ZCWPW2: variants seen among roughly 807,000 people sequenced by gnomAD.
ZCWPW2 encodes zinc finger CW-type and PWWP domain containing 2, also known as zinc finger CW-type PWWP domain protein 2.
A neutral mutation model predicts 46.6 loss-of-function variants in ZCWPW2; 45 were observed. The ratio of observed to expected loss-of-function variants is 0.96; its 90% confidence interval spans 0.76 to 1.24. The LOEUF is 1.24. Ranked by LOEUF, ZCWPW2 falls within the 50% of genes most tolerant of loss-of-function variation. The probability of loss-of-function intolerance (pLI) is 0.00; values close to 1 mark genes in which losing one functional copy is unlikely to be tolerated. For synonymous variants in ZCWPW2, 152 were observed against 137.1 expected (o/e 1.11, Z -0.76); for missense variants, 429 against 403.9 (o/e 1.06, Z -0.53).
intron 3 of ZCWPW2, among the ~76,000 whole-genome samples, chr3:28,426,122 T>C (rs941575827): frequency 1.8e-4 from 27 of 151,510 alleles, no homozygotes; most frequent in Non-Finnish European, 4.4e-5. Context: ...AAAAAAATTA[T>C]ATTTATATAT....
intron 6 of ZCWPW2, among the ~76,000 whole-genome samples, chr3:28,505,329 G>C (rs1700247403): frequency 6.6e-6 from 1 of 152,136 alleles, no homozygotes; most frequent in Non-Finnish European, 1.5e-5. Context: ...CTCTCACATT[G>C]TTCAAATCTC....
In ZCWPW2 at chr3:28,349,021, G is replaced by C; in HGVS notation, c.-316G>C. 1.0e-6 allele frequency: 1 copy of C among 986,084 alleles called. No individual in the cohort carries two copies. Among genetic ancestry groups the C allele is most frequent in the Non-Finnish European group, 1.2e-6 (1 of 830,472 alleles). The allele number at this position is 986,084 out of a possible 1,614,324, so 61.1% of individuals were successfully genotyped here. ...CGCTGTCCGCGGGCTCGGCGCCAGG[G>C]ACGCGCGAGGAAACCGGAAGTCAGG... On this transcript the variant is annotated 5_prime_UTR_variant, in exon 1 of 10. Transcript: ENST00000383768.
intron 6 of ZCWPW2, among the ~76,000 whole-genome samples, chr3:28,493,481 A>C (rs1007227338): frequency 4.5e-4 from 53 of 117,624 alleles, no homozygotes; most frequent in African/African-American, 1.3e-3. Context: ...ACATGAACTC[A>C]TCATTTTTTA....
intron 1 of ZCWPW2, among the ~76,000 whole-genome samples, chr3:28,351,265 C>CAT (rs1472807441): frequency 6.7e-6 from 1 of 148,676 alleles, no homozygotes; most frequent in Non-Finnish European, 1.5e-5. Flanking sequence ...TATATATATA[C>CAT]ATATATATAT....
At chr3:28,354,025 C>T (rs951666159) in intron 1 of ZCWPW2, among the ~76,000 whole-genome samples, 12 of 152,096 alleles carry the variant, frequency 7.9e-5, no homozygotes, top group African/African-American at 2.7e-4. Flanking sequence ...CTATCATGTG[C>T]CAGACGCTGT....
intron 3 of ZCWPW2, among the ~76,000 whole-genome samples, chr3:28,425,879 G>A (rs1003596429): frequency 6.6e-6 from 1 of 152,146 alleles, no homozygotes; most frequent in African/African-American, 2.4e-5. Context: ...GGAGGCCAAG[G>A]CGGGAGGATC....
chr3:28,433,945 T>C (rs1697379555), intron 3 of ZCWPW2, among the ~76,000 whole-genome samples: 1 of 148,244 alleles, frequency 6.7e-6, no homozygotes, highest in Admixed American at 6.8e-5. Context: ...CACTTTTAAA[T>C]ATCTGTGATA....
chr3:28,350,595 C>CACTAAATTGAAATGGCAG (rs1704511727), intron 1 of ZCWPW2, among the ~76,000 whole-genome samples: 1 of 152,036 alleles, frequency 6.6e-6, no homozygotes, highest in Admixed American at 6.6e-5. Flanking sequence ...TGTAGAACCC[C>CACTAAATTGAAATGGCAG]TGCTAGATTA....
intron 1 of ZCWPW2, among the ~76,000 whole-genome samples, chr3:28,369,871 C>A (rs1705252254): frequency 6.6e-6 from 1 of 152,176 alleles, no homozygotes; most frequent in South Asian, 2.1e-4. Flanking sequence ...GGCCCCTCCC[C>A]CAGCCTCGCT....
intron 2 of ZCWPW2, among the ~76,000 whole-genome samples, chr3:28,397,243 TA>T (rs1262136454): frequency 7.9e-5 from 12 of 152,244 alleles, no homozygotes; most frequent in Non-Finnish European, 1.6e-4. Flanking sequence ...GGATGCTTCA[TA>T]AGAATTTATA....
rs1485347425 is a variant in ZCWPW2, at chr3:28,525,931, C to G, written c.*1243C>G. ...GTTCATATTTTACATACTAGCTTGT[C>G]TTAAGTCATATAACCAGTAAATAGA... is the stretch of plus-strand genomic sequence containing the variant. On this transcript the variant is annotated 3_prime_UTR_variant, in exon 10 of 10. Transcript: ENST00000383768. 6.6e-6 allele frequency among the ~76,000 whole-genome samples: 1 copy of G among 152,086 alleles called. No individual in the cohort carries two copies.
intron 1 of ZCWPW2, among the ~76,000 whole-genome samples, chr3:28,351,170 G>C (rs1174688333): frequency 6.6e-6 from 1 of 150,618 alleles, no homozygotes; most frequent in East Asian, 1.9e-4. Context: ...TAGAATGGCT[G>C]TTTTGGACTG....
chr3:28,525,107 A>G lies in ZCWPW2; in HGVS notation c.*419A>G, dbSNP rs1205806294. The G allele has an allele frequency of 4.6e-5, 7 of 152,286 alleles. No homozygotes were observed. Among genetic ancestry groups the G allele is most frequent in the African/African-American group, 1.7e-4 (7 of 41,458 alleles). The allele number at this position is 152,286 out of a possible 1,614,324, so 9.4% of individuals were successfully genotyped here. On this transcript the variant is annotated 3_prime_UTR_variant, in exon 10 of 10. Coordinates refer to ENST00000383768, the MANE Select transcript of ZCWPW2 (RefSeq NM_001040432.4). ...GAGAATGTATATTTGCAGTGGAATC[A>G]AACTATTACAAAATAAAAGGAAATA... is the stretch of plus-strand genomic sequence containing the variant.
chr3:28,489,892 A>G (rs1403123335), intron 5 of ZCWPW2, among the ~76,000 whole-genome samples: 1 of 152,142 alleles, frequency 6.6e-6, no homozygotes, highest in African/African-American at 2.4e-5. Flanking sequence ...GAAACTATCA[A>G]CAGAGTAAAT....
rs958695911 is a variant in ZCWPW2 at position 28,413,210 on chromosome 3, G to C, written c.142G>C (p.Asp48His). Reference sequence around the variant, plus strand: ...GAAATGGAGATTGTTATCAAGTGAGGATTCAGCCAAGGTTGATCATGATGA... The same window carrying C: ...GAAATGGAGATTGTTATCAAGTGAGCATTCAGCCAAGGTTGATCATGATGA... ...CLKWRLLSSE[D>H]SAKVDHDEPW... Residue 48 changes from aspartate to histidine, a missense_variant, in exon 3 of 10, where the codon GAT becomes CAT. Transcript: ENST00000383768. The C allele has an allele frequency of 1.9e-6, 3 of 1,613,260 alleles. No homozygotes were observed. Among genetic ancestry groups the C allele is most frequent in the Non-Finnish European group, 2.5e-6 (3 of 1,179,568 alleles).
chr3:28,390,149 G>A (rs1559484588), intron 1 of ZCWPW2, among the ~76,000 whole-genome samples: 1 of 152,164 alleles, frequency 6.6e-6, no homozygotes, highest in Non-Finnish European at 1.5e-5. Flanking sequence ...AGTTGCTAGT[G>A]CCAGAGAGGG....
chr3:28,508,743 G>T (rs919010531), intron 6 of ZCWPW2, among the ~76,000 whole-genome samples: 1 of 152,094 alleles, frequency 6.6e-6, no homozygotes, highest in African/African-American at 2.4e-5. Context: ...GGCCAGGCTT[G>T]TCTTGAACTC....
At chr3:28,373,755 G>A (rs1394794929) in intron 1 of ZCWPW2, among the ~76,000 whole-genome samples, 1 of 152,108 alleles carries the variant, frequency 6.6e-6, no homozygotes, top group Admixed American at 6.5e-5. Flanking sequence ...GATTACAGGT[G>A]TGACCCACCG....
At chr3:28,394,164 C>G (rs1695603385) in intron 2 of ZCWPW2, among the ~76,000 whole-genome samples, 1 of 151,916 alleles carries the variant, frequency 6.6e-6, no homozygotes, top group African/African-American at 2.4e-5. Flanking sequence ...AGAAGAAAAT[C>G]CCATTTACAA....
Sources: gnomAD v4.1 joint callset for allele counts (sites outside exome capture counted in the v4.1 genomes callset) on GRCh38, gnomAD v4.1.1 for gene constraint, MANE v1.5 for transcripts, NCBI Gene and HGNC (gene_info 2026-07-23, HGNC 2026-07-21) for gene names.